The following CACNA1E variants were observed in gnomAD, a reference collection of about 807,000 sequenced individuals.
CACNA1E encodes calcium voltage-gated channel subunit alpha1 E.
A neutral mutation model predicts 259.2 loss-of-function variants in CACNA1E; 40 were observed. That is an observed-to-expected ratio of 0.15 (90% CI 0.12 to 0.20). The LOEUF (loss-of-function observed/expected upper bound fraction) is 0.20. Among genes scored for constraint, CACNA1E ranks in the 10% least tolerant of loss-of-function variants. The pLI, the probability that CACNA1E is intolerant of heterozygous loss-of-function variation, is 1.00. For synonymous variants in CACNA1E, 1,104 were observed against 1,138.5 expected (o/e 0.97, Z 0.61); for missense variants, 1,874 against 3,040.1 (o/e 0.62, Z 9.02).
At chr1:181,590,240 A>G (rs191415726) in intron 6 of CACNA1E, among the ~76,000 whole-genome samples, 7 of 151,742 alleles carry the variant, frequency 4.6e-5, no homozygotes, top group Admixed American at 3.9e-4. Flanking sequence ...TTAAGGTGCC[A>G]GGTACTAGGG....
chr1:181,483,765 G>A lies in CACNA1E; in HGVS notation c.21G>A (p.Ala7=). ...TCAGGATGGCTCGCTTCGGGGAGGCGGTGGTCGCCAGGCCAGGGTCCGGCG... is the reference window on the plus strand; with the variant it reads ...TCAGGATGGCTCGCTTCGGGGAGGCAGTGGTCGCCAGGCCAGGGTCCGGCG... MARFGE[A]VVARPGSGDG... is the part of the protein sequence containing the mutation. The change falls in exon 1 of 48, where the codon GCG becomes GCA. Residue 7 remains alanine, a synonymous_variant. Coordinates refer to ENST00000367573, the MANE Select transcript of CACNA1E (RefSeq NM_001205293.3). The A allele has an allele frequency of 2.5e-6, 4 of 1,609,206 alleles. No individual in the cohort carries two copies. The highest frequency in any genetic ancestry group is 3.4e-6 in the Non-Finnish European group (4 of 1,177,888).
At chr1:181,387,041 C>T (rs978159163) in intron 1 of CACNA1E, among the ~76,000 whole-genome samples, 2 of 152,184 alleles carry the variant, frequency 1.3e-5, no homozygotes, top group Admixed American at 6.5e-5. Flanking sequence ...GATGCAGATA[C>T]CAGTGTTGCA....
intron 7 of CACNA1E, among the ~76,000 whole-genome samples, chr1:181,707,392 A>G (rs1237716969): frequency 6.6e-6 from 1 of 152,122 alleles, no homozygotes; most frequent in Non-Finnish European, 1.5e-5. Context: ...GGGAGCCTAC[A>G]ATGGCGAAGA....
chr1:181,674,040 A>G (rs1649092913), intron 7 of CACNA1E, among the ~76,000 whole-genome samples: 1 of 151,766 alleles, frequency 6.6e-6, no homozygotes, highest in Non-Finnish European at 1.5e-5. Context: ...TTTATGACCT[A>G]AGCAGTTGGG....
At chr1:181,584,657 A>G (rs1651877454) in intron 6 of CACNA1E, among the ~76,000 whole-genome samples, 1 of 152,208 alleles carries the variant, frequency 6.6e-6, no homozygotes, top group African/African-American at 2.4e-5. Flanking sequence ...AGTTGATGAA[A>G]AACTACCATT....
chr1:181,646,493 A>C (rs1438063681), intron 6 of CACNA1E, among the ~76,000 whole-genome samples: 1 of 152,134 alleles, frequency 6.6e-6, no homozygotes, highest in Admixed American at 6.5e-5. Flanking sequence ...GGACCATGGA[A>C]TCAGCATCTG....
rs1157962178 is a variant in CACNA1E, at chr1:181,807,050, C to T, written c.*8216C>T. ...GCTCGTATGTGTTACCCCAGCTATT[C>T]AGGAAGCTAGGGCAGAAGGATTGCT... On this transcript the variant is annotated 3_prime_UTR_variant, in exon 48 of 48. Transcript: ENST00000367573. 1 of 150,946 alleles carries T rather than the reference C, an allele frequency of 6.6e-6. No individual in the cohort carries two copies. Among genetic ancestry groups the T allele is most frequent in the African/African-American group, 2.4e-5 (1 of 41,004 alleles). 9.4% of individuals were successfully genotyped at this position (150,946 alleles called of 1,614,324 possible). A position where few individuals can be genotyped will look rare whatever the true frequency, so the allele number is the denominator to read the frequency against.
intron 1 of CACNA1E, among the ~76,000 whole-genome samples, chr1:181,380,856 C>A (rs1189566846): frequency 6.6e-6 from 1 of 151,982 alleles, no homozygotes; most frequent in Non-Finnish European, 1.5e-5. Context: ...AATAATTTAC[C>A]CAAGGGTAAT....
chr1:181,586,524 G>T (rs1192726320), intron 6 of CACNA1E, among the ~76,000 whole-genome samples: 1 of 152,148 alleles, frequency 6.6e-6, no homozygotes, highest in Non-Finnish European at 1.5e-5. Flanking sequence ...GTAGGGAGGT[G>T]AGAGGAAAAT....
chr1:181,654,253 A>G (rs1277479846), intron 7 of CACNA1E, among the ~76,000 whole-genome samples: 1 of 150,368 alleles, frequency 6.7e-6, no homozygotes, highest in Non-Finnish European at 1.5e-5. Context: ...ATATATTTAC[A>G]TTAAATATAA....
At chr1:181,770,924 T>C (rs1659448420) in intron 35 of CACNA1E, among the ~76,000 whole-genome samples, 1 of 152,170 alleles carries the variant, frequency 6.6e-6, no homozygotes, top group African/African-American at 2.4e-5. Context: ...TTCTGTGCAC[T>C]CCTGCTGTGA....
At chr1:181,464,887 A>G (rs1662058988) in intron 2 of CACNA1E, among the ~76,000 whole-genome samples, 1 of 152,078 alleles carries the variant, frequency 6.6e-6, no homozygotes, top group South Asian at 2.1e-4. Context: ...ATTGTTGATT[A>G]GTAATTTAGT....
chr1:181,530,438 G>A (rs1319128009), intron 3 of CACNA1E, among the ~76,000 whole-genome samples: 1 of 152,136 alleles, frequency 6.6e-6, no homozygotes, highest in Non-Finnish European at 1.5e-5. Context: ...ATACTTATGT[G>A]TAGCTGACAG....
chr1:181,600,631 C>T (rs1473518279), intron 6 of CACNA1E, among the ~76,000 whole-genome samples: 2 of 151,982 alleles, frequency 1.3e-5, no homozygotes, highest in African/African-American at 2.4e-5. Context: ...CTGTTAATAG[C>T]GGTGCCATCT....
intron 10 of CACNA1E, among the ~76,000 whole-genome samples, chr1:181,716,427 T>G (rs1442166521): frequency 1.3e-5 from 2 of 152,104 alleles, no homozygotes; most frequent in African/African-American, 4.8e-5. Context: ...CACCCTCTCC[T>G]GGGAGTGATG....
At chr1:181,709,818 T>C (rs1653159128) in intron 7 of CACNA1E, among the ~76,000 whole-genome samples, 1 of 152,068 alleles carries the variant, frequency 6.6e-6, no homozygotes, top group Admixed American at 6.6e-5. Context: ...GGATCACATT[T>C]AATAAGTAGA....
chr1:181,573,742 G>A (rs1650654661), intron 3 of CACNA1E, among the ~76,000 whole-genome samples: 1 of 152,210 alleles, frequency 6.6e-6, no homozygotes, highest in Non-Finnish European at 1.5e-5. Flanking sequence ...CCTAGAACCA[G>A]AAATACCATT....
At chr1:181,351,319 C>T (rs1571635762) in intron 1 of CACNA1E, among the ~76,000 whole-genome samples, 1 of 152,184 alleles carries the variant, frequency 6.6e-6, no homozygotes, top group Non-Finnish European at 1.5e-5. Flanking sequence ...TCAAGAAGTG[C>T]TCAGAGTCCA....
At chr1:181,406,149 A>G (rs540226693) in intron 1 of CACNA1E, among the ~76,000 whole-genome samples, 1 of 152,226 alleles carries the variant, frequency 6.6e-6, no homozygotes, top group Admixed American at 6.5e-5. Context: ...GGTTCCCTGA[A>G]TGACTATGTA....
Sources: allele counts gnomAD v4.1 joint callset (sites outside exome capture counted in the v4.1 genomes callset), GRCh38; gene constraint gnomAD v4.1.1; transcripts MANE v1.5; gene names NCBI Gene and HGNC (gene_info 2026-07-23, HGNC 2026-07-21).